The following PCDHGA9 variants were observed in gnomAD, a reference collection of about 807,000 sequenced individuals.
PCDHGA9 encodes protocadherin gamma-A9.
Under a neutral mutation model 62.5 loss-of-function variants are expected in PCDHGA9, and 37 were observed. The ratio of observed to expected loss-of-function variants is 0.59; its 90% CI spans 0.46 to 0.78. The LOEUF is 0.78. Ranked by LOEUF, PCDHGA9 falls within the 30% of genes least tolerant of loss-of-function variation. The pLI is 0.00. For synonymous variants in PCDHGA9, 459 were observed against 484.6 expected, an observed-to-expected ratio of 0.95 and a Z score of 0.69; for missense variants, 1,138 against 1,166.2, an observed-to-expected ratio of 0.98 and a Z score of 0.35.
intron 1 of PCDHGA9, among the ~76,000 whole-genome samples, chr5:141,439,132 G>C (rs1180893484): frequency 6.6e-6 from 1 of 151,054 alleles, no homozygotes; most frequent in African/African-American, 2.4e-5. Context: ...GACAGAGGTT[G>C]CAGTGAGCTG....
rs368387997 is a variant in PCDHGA9 at position 141,403,191 on chromosome 5, G to A, written c.239G>A (p.Arg80His). 18 of 1,613,876 alleles carry A rather than the reference G, an allele frequency of 1.1e-5. No individual in the cohort carries two copies. The highest frequency in any genetic ancestry group is 1.4e-5 in the Non-Finnish European group (17 of 1,179,932). ...GRTQLFSLNP[R>H]SGTLVTAGRI... ...ACGCAGCTTTTCTCTCTGAACCCGC[G>A]CAGCGGCACCTTGGTCACCGCGGGT... is the stretch of plus-strand genomic sequence containing the variant. The change falls in exon 1 of 4, where the codon CGC becomes CAC. Residue 80 changes from arginine (R) to histidine (H), a missense_variant. Coordinates refer to ENST00000573521, the MANE Select transcript of PCDHGA9 (RefSeq NM_018921.3).
At chr5:141,414,894 A>T in intron 1 of PCDHGA9, 1 of 1,613,958 alleles carries the variant, frequency 6.2e-7, no homozygotes, top group South Asian at 1.1e-5. Flanking sequence ...CCCTCCCCAC[A>T]GACGGTTCCA....
At chr5:141,461,951 G>C (rs1419637040) in intron 1 of PCDHGA9, among the ~76,000 whole-genome samples, 1 of 152,186 alleles carries the variant, frequency 6.6e-6, no homozygotes, top group African/African-American at 2.4e-5. Context: ...AACCTCCTGA[G>C]TAGCTGGGAT....
At chr5:141,434,698 A>G (rs2097710714) in intron 1 of PCDHGA9, among the ~76,000 whole-genome samples, 1 of 152,070 alleles carries the variant, frequency 6.6e-6, no homozygotes, top group South Asian at 2.1e-4. Context: ...GTTAATAAAT[A>G]TGTGGGTAAA....
chr5:141,419,470 G>A (rs2096387963), intron 1 of PCDHGA9: 1 of 1,612,362 alleles, frequency 6.2e-7, no homozygotes, highest in African/African-American at 1.3e-5. Context: ...CCCGCGACCA[G>A]GGCTCGCCCG....
chr5:141,412,357 T>A (rs756056496), intron 1 of PCDHGA9: 17 of 152,366 alleles, frequency 1.1e-4, no homozygotes, highest in Middle Eastern at 3.4e-3. Context: ...TAGTTTGTGA[T>A]TACCTGCTTA....
chr5:141,433,634 G>T (rs2097636752), intron 1 of PCDHGA9, among the ~76,000 whole-genome samples: 1 of 152,078 alleles, frequency 6.6e-6, no homozygotes, highest in Admixed American at 6.5e-5. Flanking sequence ...TTGGGAGTTT[G>T]AGACCAGCCT....
chr5:141,415,128 G>C (rs376477668), intron 1 of PCDHGA9: 33 of 1,613,528 alleles, frequency 2.0e-5, no homozygotes, highest in Admixed American at 5.0e-5. Context: ...TGGCCGTCCA[G>C]GACCACGGCC....
Position 141,404,096 on chromosome 5 carries a change from G to C in PCDHGA9, c.1144G>C (p.Val382Leu). ...HDRDSGKNGQ[V>L]VCSIQENLSF... ...CCGAGACTCCGGGAAGAATGGTCAA[G>C]TTGTCTGTTCTATCCAGGAGAATCT... The change falls in exon 1 of 4, where the codon GTT (valine) becomes CTT (leucine). Residue 382 changes from valine to leucine, a missense_variant. Coordinates refer to ENST00000573521, the MANE Select transcript of PCDHGA9 (RefSeq NM_018921.3). The C allele has an allele frequency of 6.2e-7, 1 of 1,613,610 alleles. No individual in the cohort carries two copies. Among genetic ancestry groups the C allele is most frequent in the Non-Finnish European group, 8.5e-7 (1 of 1,179,564 alleles).
intron 1 of PCDHGA9, among the ~76,000 whole-genome samples, chr5:141,480,959 C>A (rs1476891394): frequency 1.3e-5 from 2 of 152,086 alleles, no homozygotes; most frequent in East Asian, 3.8e-4. Flanking sequence ...GCGGAAGCAT[C>A]AGTGAGGGAG....
chr5:141,465,918 C>T lies in PCDHGA9; in HGVS notation c.2425-28889C>T, dbSNP rs34980831. On this transcript the variant is annotated intron_variant, in intron 1 of 3. Transcript: ENST00000573521. ...CGGGCAAATCACGAGGTCAGGATTT[C>T]GAGTCCATCCTGGCTAACATGGTGA... 2.0e-3 allele frequency among the ~76,000 whole-genome samples: 307 copies of T among 152,144 alleles called. 1 individual carries two copies. Among genetic ancestry groups the T allele is most frequent in the Middle Eastern group, 0.01 (3 of 294 alleles).
intron 1 of PCDHGA9, among the ~76,000 whole-genome samples, chr5:141,482,530 C>CAAAAAAAAAAAAAAAAAAAAAA (rs3074545): frequency 1.3e-5 from 1 of 76,562 alleles, no homozygotes. Context: ...GACAGACATG[C>CAAAAAAAAAAAAAAAAAAAAAA]AAAAAAAAAA....
In PCDHGA9 at chr5:141,402,973, C is replaced by T. The variant is rs779898665; in HGVS notation, c.21C>T (p.Cys7=). 4 of 1,608,044 alleles carry T rather than the reference C, an allele frequency of 2.5e-6. No individual in the cohort carries two copies. Among genetic ancestry groups the T allele is most frequent in the Non-Finnish European group, 2.5e-6 (3 of 1,176,774 alleles). The change falls in exon 1 of 4, where the codon TGC becomes TGT. Residue 7 remains cysteine (C), a synonymous_variant. Transcript: ENST00000573521. ...CAGCAATGGCAGCTCCAACCAAATGCCAGCTCCGCGGAAGATTAGTCCTGC... is the reference window on the plus strand; with the variant it reads ...CAGCAATGGCAGCTCCAACCAAATGTCAGCTCCGCGGAAGATTAGTCCTGC... MAAPTK[C]QLRGRLVLLC...
intron 3 of PCDHGA9, 122 bp downstream of exon 3, chr5:141,505,603 G>A (rs900982128): frequency 6.5e-7 from 1 of 1,534,594 alleles, no homozygotes; most frequent in African/African-American, 1.4e-5. Flanking sequence ...TCTTTCGGCA[G>A]GTCTGAAAGG....
chr5:141,452,584 T>C (rs992607928), intron 1 of PCDHGA9, among the ~76,000 whole-genome samples: 1 of 152,182 alleles, frequency 6.6e-6, no homozygotes, highest in Non-Finnish European at 1.5e-5. Context: ...TTTCCATCTT[T>C]GTATTTTTAT....
At chr5:141,427,228 T>C (rs2097002884) in intron 1 of PCDHGA9, 1 of 456,550 alleles carries the variant, frequency 2.2e-6, no homozygotes, top group South Asian at 1.5e-5. Context: ...AGTTATACCA[T>C]GAGAGTAGAA....
At chr5:141,504,570 AC>A (rs1468526948) in intron 2 of PCDHGA9, among the ~76,000 whole-genome samples, 1 of 148,874 alleles carries the variant, frequency 6.7e-6, no homozygotes, top group Admixed American at 6.9e-5. Flanking sequence ...ATTCTAGGGA[AC>A]ACCATCTGCC....
Position 141,405,392 on chromosome 5 carries a change from T to C in PCDHGA9, c.2424+16T>C. On this transcript the variant is annotated intron_variant, in intron 1 of 3. Coordinates refer to ENST00000573521, the MANE Select transcript of PCDHGA9 (RefSeq NM_018921.3). ...TTTGGTTCCGGTGAGTTCATTTTTTTTCTTTCTTTCTTTTCTTTTTTTGTT... is the reference window on the plus strand; with the variant it reads ...TTTGGTTCCGGTGAGTTCATTTTTTCTCTTTCTTTCTTTTCTTTTTTTGTT... The C allele has an allele frequency of 6.3e-7, 1 of 1,596,104 alleles. No homozygotes were observed. Among genetic ancestry groups the C allele is most frequent in the Non-Finnish European group, 8.5e-7 (1 of 1,171,286 alleles).
intron 1 of PCDHGA9, chr5:141,414,088 A>T: frequency 6.3e-7 from 1 of 1,599,384 alleles, no homozygotes; most frequent in African/African-American, 1.3e-5. Context: ...TACTGGAGAA[A>T]TAAAAATATC....
Sources: gnomAD v4.1 joint callset for allele counts (sites outside exome capture counted in the v4.1 genomes callset) on GRCh38, gnomAD v4.1.1 for gene constraint, MANE v1.5 for transcripts, NCBI Gene and HGNC (gene_info 2026-07-23, HGNC 2026-07-21) for gene names.